The following CLIP2 variants were observed in gnomAD, a reference collection of about 807,000 sequenced individuals.
CLIP2 encodes CAP-Gly domain-containing linker protein 2.
Under a neutral mutation model 111.7 loss-of-function variants are expected in CLIP2, and 41 were observed. That is an observed-to-expected ratio of 0.37 (90% CI 0.29 to 0.48). The LOEUF is 0.48. Among genes scored for constraint, CLIP2 ranks in the 20% least tolerant of loss-of-function variants. The pLI is 0.99. For synonymous variants in CLIP2, 660 were observed against 644.2 expected (o/e 1.02, Z -0.37); for missense variants, 1,160 against 1,422.1 (o/e 0.82, Z 2.96).
At chr7:74,366,430 C>G (rs1790471254) in intron 8 of CLIP2, among the ~76,000 whole-genome samples, 1 of 152,202 alleles carries the variant, frequency 6.6e-6, no homozygotes, top group Non-Finnish European at 1.5e-5. Context: ...CAGTCTTCCC[C>G]AAGCTCCCTG....
chr7:74,333,787 G>A (rs1789369006), intron 2 of CLIP2, among the ~76,000 whole-genome samples: 1 of 152,148 alleles, frequency 6.6e-6, no homozygotes, highest in Admixed American at 6.6e-5. Flanking sequence ...CCAGCCTCAT[G>A]TGAGGTTTAA....
intron 8 of CLIP2, chr7:74,365,003 G>A (rs1554310553): frequency 2.4e-5 from 3 of 124,796 alleles, no homozygotes; most frequent in Non-Finnish European, 4.9e-5. Flanking sequence ...TTGTGTGTGT[G>A]TGTGTGTGTG....
At chr7:74,313,625 C>G (rs229875) in intron 1 of CLIP2, among the ~76,000 whole-genome samples, 91,494 of 151,702 alleles carry the variant, frequency 0.6, 30,054 homozygotes, top group Non-Finnish European at 0.74. Flanking sequence ...AGGCCCTCCT[C>G]GGGACTCAGC....
intron 8 of CLIP2, among the ~76,000 whole-genome samples, chr7:74,369,549 T>C (rs1790547861): frequency 6.7e-6 from 1 of 149,272 alleles, no homozygotes; most frequent in African/African-American, 2.5e-5. Context: ...TCTCTAAAAA[T>C]AAATAAATAA....
intron 11 of CLIP2, among the ~76,000 whole-genome samples, chr7:74,385,645 G>A (rs1252684651): frequency 6.6e-6 from 1 of 151,546 alleles, no homozygotes; most frequent in Middle Eastern, 3.2e-3. Context: ...GGCACTGTTA[G>A]CACTGTTAGC....
intron 3 of CLIP2, among the ~76,000 whole-genome samples, chr7:74,347,908 G>A (rs1011199620): frequency 2.6e-5 from 4 of 152,078 alleles, no homozygotes; most frequent in Admixed American, 1.3e-4. Context: ...GCCCAGGGGC[G>A]GGGGCTCACA....
chr7:74,319,530 GAA>G, intron 2 of CLIP2, among the ~76,000 whole-genome samples: 1 of 151,616 alleles, frequency 6.6e-6, no homozygotes, highest in African/African-American at 2.4e-5. Flanking sequence ...AATAAAGAAA[GAA>G]AGAGAAGCCA....
intron 3 of CLIP2, among the ~76,000 whole-genome samples, chr7:74,339,772 G>A (rs1789603517): frequency 6.6e-6 from 1 of 152,038 alleles, no homozygotes; most frequent in Admixed American, 6.6e-5. Flanking sequence ...ACTGGAAAAG[G>A]CTGGGAACTG....
chr7:74,347,291 T>A (rs1562701276), intron 3 of CLIP2, among the ~76,000 whole-genome samples: 1 of 152,090 alleles, frequency 6.6e-6, no homozygotes, highest in East Asian at 1.9e-4. Flanking sequence ...CTTTTTAAGA[T>A]GGAGTCTCAC....
At chr7:74,369,402 A>G (rs550835978) in intron 8 of CLIP2, among the ~76,000 whole-genome samples, 15 of 151,756 alleles carry the variant, frequency 9.9e-5, no homozygotes, top group African/African-American at 3.1e-4. Flanking sequence ...AAAATCCACC[A>G]GGCATGGTAG....
intron 2 of CLIP2, among the ~76,000 whole-genome samples, chr7:74,336,860 G>GTTT (rs376463523): frequency 7.1e-6 from 1 of 140,592 alleles, no homozygotes. Flanking sequence ...TGTTTTTTTT[G>GTTT]TTTTTTTTTT....
At position 74,338,850 on chromosome 7, in the gene CLIP2, C is replaced by T. The variant is rs868936675; in HGVS notation, c.524C>T (p.Thr175Met). 7 of 1,609,706 alleles carry T rather than the reference C, an allele frequency of 4.3e-6. No homozygotes were observed. The highest frequency in any genetic ancestry group is 2.2e-5 in the East Asian group (1 of 44,868). The change falls in exon 3 of 17, where the codon ACG becomes ATG. Residue 175 changes from threonine to methionine, a missense_variant. Around this residue, in one of 5 missense-constraint regions of CLIP2, gnomAD observed 301 missense variants for 315.2 expected, o/e 0.96. Transcript: ENST00000223398. The surrounding 1 kb of genome is among the most constrained non-coding windows in gnomAD (Gnocchi z 4.3). ...TAQNLSLHSG[T>M]ATPPLTSRVI... Reference sequence around the variant, plus strand: ...CAGAACCTGTCATTGCATTCGGGCACGGCCACGCCCCCGCTGACCAGCCGC... The same window carrying T: ...CAGAACCTGTCATTGCATTCGGGCATGGCCACGCCCCCGCTGACCAGCCGC...
chr7:74,370,102 GC>G (rs1223522714), intron 8 of CLIP2, among the ~76,000 whole-genome samples: 1 of 72,866 alleles, frequency 1.4e-5, no homozygotes, highest in Non-Finnish European at 3.4e-5. Context: ...AGGTTGCTGA[GC>G]CAGGCTCCCT....
chr7:74,317,503 C>T lies in CLIP2; in HGVS notation c.-44C>T, dbSNP rs782416084. ...AGGTGAGTGAAGATGGCAGAGAGGA[C>T]GTGACCAGCACTCACCCTTGTCCAC... On this transcript the variant is annotated 5_prime_UTR_variant, in exon 2 of 17. The change creates a new upstream start codon in the 5' untranslated region. Transcript: ENST00000223398. 1.9e-5 allele frequency: 26 copies of T among 1,354,380 alleles called. No homozygotes were observed. Among genetic ancestry groups the T allele is most frequent in the Non-Finnish European group, 2.5e-5 (26 of 1,044,054 alleles). 83.9% of individuals were successfully genotyped at this position (1,354,380 alleles called of 1,614,324 possible). A position where few individuals can be genotyped will look rare whatever the true frequency, so the allele number is the denominator to read the frequency against.
rs200048266 is a variant in CLIP2 at position 74,337,422 on chromosome 7, C to G, written c.122-1026C>G. On this transcript the variant is annotated intron_variant, in intron 2 of 16. Coordinates refer to ENST00000223398, the MANE Select transcript of CLIP2 (RefSeq NM_003388.5). Reference sequence around the variant, plus strand: ...CGTCTGAGGGCGAGGATGGGGGTCTCGGAGACCACTTGCACAACACCTAGG... The same window carrying G: ...CGTCTGAGGGCGAGGATGGGGGTCTGGGAGACCACTTGCACAACACCTAGG... Among the ~76,000 whole-genome samples, 3 of 152,026 alleles carry G rather than the reference C, an allele frequency of 2.0e-5. No individual in the cohort carries two copies. In the East Asian group the frequency reaches 5.8e-4, roughly 29 times the overall value.
intron 2 of CLIP2, among the ~76,000 whole-genome samples, chr7:74,328,304 A>G (rs1339040047): frequency 2.6e-5 from 4 of 152,128 alleles, no homozygotes; most frequent in Admixed American, 1.3e-4. Context: ...GCCTTTGAGC[A>G]CCTTCGGGAG....
At chr7:74,295,500 G>T (rs200509196) in intron 1 of CLIP2, among the ~76,000 whole-genome samples, 4 of 152,042 alleles carry the variant, frequency 2.6e-5, no homozygotes, top group Admixed American at 2.0e-4. Flanking sequence ...TTTCTACTTC[G>T]CTAGCCTGTT....
intron 8 of CLIP2, 111 bp downstream of exon 8, chr7:74,364,426 G>A (rs1049154251): frequency 1.1e-6 from 1 of 909,340 alleles, no homozygotes; most frequent in Non-Finnish European, 1.7e-6. Flanking sequence ...CGGGGAAGGG[G>A]CTGGGGGGGA....
chr7:74,372,438 C>G (rs1554312086), intron 8 of CLIP2, among the ~76,000 whole-genome samples: 1 of 147,136 alleles, frequency 6.8e-6, no homozygotes, highest in Admixed American at 6.8e-5. Context: ...ATCCCGGGGT[C>G]CTTTATTTAT....
Sources: allele counts gnomAD v4.1 joint callset (sites outside exome capture counted in the v4.1 genomes callset), GRCh38; gene constraint gnomAD v4.1.1; regional missense constraint gnomAD v4.1.1; non-coding constraint Gnocchi (gnomAD v3.1); transcripts MANE v1.5; gene names NCBI Gene and HGNC (gene_info 2026-07-23, HGNC 2026-07-21).